The following CEMIP variants were observed in gnomAD, a reference collection of about 807,000 sequenced individuals.
The protein encoded by CEMIP is cell migration inducing hyaluronidase 1, also known as cell migration-inducing and hyaluronan-binding protein.
In CEMIP, 105 loss-of-function variants were observed where a neutral mutation model predicts 156.9. The ratio of observed to expected loss-of-function variants is 0.67; its 90% CI spans 0.57 to 0.79. The LOEUF is 0.79. Among genes scored for constraint, CEMIP ranks in the 30% least tolerant of loss-of-function variants. The pLI is 0.00. For synonymous variants in CEMIP, 676 were observed against 668.4 expected, an observed-to-expected ratio of 1.01 and a Z score of -0.17; for missense variants, 1,457 against 1,769.4, an observed-to-expected ratio of 0.82 and a Z score of 3.17.
chr15:80,933,490 T>C, intron 23 of CEMIP, 30 bp downstream of exon 23: 1 of 1,545,540 alleles, frequency 6.5e-7, no homozygotes, highest in Non-Finnish European at 8.9e-7. Flanking sequence ...GGCCGGCCAC[T>C]CACTTATTCA....
At chr15:80,824,182 G>A (rs546455078) in intron 1 of CEMIP, among the ~76,000 whole-genome samples, 1 of 152,342 alleles carries the variant, frequency 6.6e-6, no homozygotes, top group East Asian at 1.9e-4. Flanking sequence ...TGTGTTTGAT[G>A]AGTGACATCT....
intron 1 of CEMIP, among the ~76,000 whole-genome samples, chr15:80,868,323 C>T (rs1419330725): frequency 6.6e-6 from 1 of 152,166 alleles, no homozygotes; most frequent in Non-Finnish European, 1.5e-5. Context: ...TTACTCTTCC[C>T]AGTAAGCCTT....
intron 12 of CEMIP, 148 bp downstream of exon 12, chr15:80,896,208 G>A: frequency 1.2e-6 from 1 of 823,888 alleles, no homozygotes. Context: ...TTCATGACAG[G>A]TCTTTATTTC....
chr15:80,839,289 A>AGTGTGTGTGTGTGTGT (rs34172431), intron 1 of CEMIP, among the ~76,000 whole-genome samples: 3,298 of 131,072 alleles, frequency 0.025, 154 homozygotes, highest in African/African-American at 0.073. Flanking sequence ...CAAGGCCGTG[A>AGTGTGTGTGTGTGTGT]GTGTGTGTGT....
rs550350772 is a variant in CEMIP, at chr15:80,926,977, T to C, written c.2420+1222T>C. On this transcript the variant is annotated intron_variant, in intron 19 of 29. Coordinates refer to ENST00000394685, the MANE Select transcript of CEMIP (RefSeq NM_001293298.2). The stretch of plus-strand genomic sequence containing the variant: ...TCCCGAGTAGCTGGGATTACAAGCG[T>C]GCACCACCACGCCAGGCTAATTTTT... Among the ~76,000 whole-genome samples the C allele has an allele frequency of 3.5e-3, 534 of 152,126 alleles. 2 individuals carry two copies. The highest frequency in any genetic ancestry group is 6.2e-3 in the Non-Finnish European group (421 of 68,008).
At position 80,892,299 on chromosome 15, in the gene CEMIP, G is replaced by A. The variant is rs188681089; in HGVS notation, c.1087-2691G>A. On this transcript the variant is annotated intron_variant, in intron 10 of 29. Coordinates refer to ENST00000394685, the MANE Select transcript of CEMIP (RefSeq NM_001293298.2). The stretch of plus-strand genomic sequence containing the variant: ...GGAAGAAAGAGGAAGCAGCAAGACT[G>A]CACAGTTGACCTTAAGAAAAGCTTT... Among the ~76,000 whole-genome samples the A allele has an allele frequency of 1.1e-3, 162 of 152,274 alleles. 3 individuals are homozygous for A. The highest frequency in any genetic ancestry group is 6.2e-4 in the South Asian group (3 of 4,822).
At chr15:80,811,772 G>T (rs1447367386) in intron 1 of CEMIP, among the ~76,000 whole-genome samples, 1 of 152,130 alleles carries the variant, frequency 6.6e-6, no homozygotes, top group African/African-American at 2.4e-5. Context: ...GCCCAGGCTG[G>T]TCTTGAACTC....
intron 25 of CEMIP, among the ~76,000 whole-genome samples, chr15:80,938,735 T>G (rs1005520248): frequency 2.6e-5 from 4 of 152,214 alleles, no homozygotes. Flanking sequence ...CTAGGTTCTA[T>G]TCAATAGAGA....
chr15:80,781,768 G>A (rs1430253285), intron 1 of CEMIP, among the ~76,000 whole-genome samples: 2 of 152,204 alleles, frequency 1.3e-5, no homozygotes, highest in Non-Finnish European at 2.9e-5. Context: ...ATCTTGCAGG[G>A]TTGCTATGAG....
chr15:80,780,605 T>TGA (rs1670221238), intron 1 of CEMIP, among the ~76,000 whole-genome samples: 1 of 152,152 alleles, frequency 6.6e-6, no homozygotes, highest in Admixed American at 6.5e-5. Flanking sequence ...TACCCACAGG[T>TGA]GAGAGCTCCC....
At chr15:80,884,045 CTTCT>C (rs776326287) in intron 6 of CEMIP, 126 bp from the exon 7 acceptor site, 40 of 913,532 alleles carry the variant, frequency 4.4e-5, no homozygotes, top group Non-Finnish European at 6.1e-5. Flanking sequence ...AAAAGGCTTC[CTTCT>C]TTAAGAATCA....
Position 80,794,739 on chromosome 15 carries a change from G to A in CEMIP, c.-176+15125G>A, listed in dbSNP as rs376358206. ...TTTCCCGTGCTTAATAGCCACAGGC[G>A]GCTAGTGGAACAGTGTAGGTCTAGG... On this transcript the variant is annotated intron_variant, in intron 1 of 29. Coordinates refer to ENST00000394685, the MANE Select transcript of CEMIP (RefSeq NM_001293298.2). Among the ~76,000 whole-genome samples, 21 of 152,248 alleles carry A rather than the reference G, an allele frequency of 1.4e-4. No homozygotes were observed. The East Asian group carries it at 1.7e-3, about 13-fold the overall frequency.
chr15:80,868,984 C>T (rs1249623716), intron 1 of CEMIP, among the ~76,000 whole-genome samples: 1 of 152,178 alleles, frequency 6.6e-6, no homozygotes, highest in Non-Finnish European at 1.5e-5. Flanking sequence ...GTGAATTCAA[C>T]AACAGAAATG....
At chr15:80,839,913 A>C (rs1046516479) in intron 1 of CEMIP, among the ~76,000 whole-genome samples, 3 of 152,216 alleles carry the variant, frequency 2.0e-5, no homozygotes, top group Non-Finnish European at 4.4e-5. Context: ...GGTTGGCACT[A>C]TCCACCGCAT....
intron 12 of CEMIP, among the ~76,000 whole-genome samples, chr15:80,899,970 G>C (rs183255312): frequency 2.0e-4 from 31 of 152,170 alleles, no homozygotes; most frequent in African/African-American, 7.5e-4. Context: ...TGGGCCTGGG[G>C]TAGCATTTGG....
intron 14 of CEMIP, among the ~76,000 whole-genome samples, chr15:80,918,859 A>G (rs1019470278): frequency 6.6e-6 from 1 of 152,130 alleles, no homozygotes; most frequent in Non-Finnish European, 1.5e-5. Flanking sequence ...CCCAGGCTAC[A>G]GGCCCTCTGA....
At chr15:80,904,661 G>T (rs1899718306) in intron 12 of CEMIP, among the ~76,000 whole-genome samples, 1 of 152,150 alleles carries the variant, frequency 6.6e-6, no homozygotes, top group African/African-American at 2.4e-5. Flanking sequence ...AGTGATGCAC[G>T]TTAAAGATGG....
At chr15:80,935,719 T>C (rs1190965242) in intron 23 of CEMIP, among the ~76,000 whole-genome samples, 1 of 152,080 alleles carries the variant, frequency 6.6e-6, no homozygotes, top group African/African-American at 2.4e-5. Flanking sequence ...AAACAGGACA[T>C]GGCGTTTTTT....
At chr15:80,829,106 G>T (rs1457716655) in intron 1 of CEMIP, among the ~76,000 whole-genome samples, 1 of 152,202 alleles carries the variant, frequency 6.6e-6, no homozygotes, top group African/African-American at 2.4e-5. Flanking sequence ...AGCTGCTCCA[G>T]GCCTTCTCTG....
Sources: allele counts gnomAD v4.1 joint callset (sites outside exome capture counted in the v4.1 genomes callset), GRCh38; gene constraint gnomAD v4.1.1; transcripts MANE v1.5; gene names NCBI Gene and HGNC (gene_info 2026-07-23, HGNC 2026-07-21).